The following TNC variants were observed in gnomAD, a reference collection of about 807,000 sequenced individuals.
TNC encodes tenascin C, also known as tenascin.
Under a neutral mutation model 202.4 loss-of-function variants are expected in TNC, and 109 were observed. That is an observed-to-expected ratio of 0.54 (90% CI 0.46 to 0.63). TNC has a LOEUF of 0.63. Ranked by LOEUF, TNC falls within the 30% of genes least tolerant of loss-of-function variation. TNC has a pLI of 0.00. For missense variants in TNC, 2,756 were observed against 2,833.3 expected (o/e 0.97, Z 0.62); for synonymous variants, 1,007 against 1,089.7 (o/e 0.92, Z 1.50).
rs201343256 is a variant in TNC, at chr9:115,028,765, AT to A, written c.6169+594del. Among the ~76,000 whole-genome samples, 36 of 151,940 alleles carry A rather than the reference AT, an allele frequency of 2.4e-4. No individual in the cohort carries two copies. The East Asian group carries it at 6.8e-3, about 29-fold the overall frequency. Reference sequence around the variant, plus strand: ...TCACTTTATCTTATGTAAAGTGCCGATTTACTGAGTGTGAGATGAATACAAA... The same window carrying A: ...TCACTTTATCTTATGTAAAGTGCCGATTACTGAGTGTGAGATGAATACAAA... On this transcript the variant is annotated intron_variant, in intron 25 of 27. Transcript: ENST00000350763.
At position 115,031,822 on chromosome 9, in the gene TNC, T is replaced by A; in HGVS notation, c.5788-137A>T. Reference sequence around the variant, plus strand: ...GGACAAGAATTCATTGAGTACCCACTCTCTACCAGGCTCCATGTGCACTGC... The same window carrying A: ...GGACAAGAATTCATTGAGTACCCACACTCTACCAGGCTCCATGTGCACTGC... On this transcript the variant is annotated intron_variant, in intron 22 of 27. Transcript: ENST00000350763. 3 of 1,056,140 alleles carry A rather than the reference T, an allele frequency of 2.8e-6. No individual in the cohort carries two copies. The South Asian group carries it at 5.0e-5, about 18-fold the overall frequency. The allele number at this position is 1,056,140 out of a possible 1,614,324, so 65.4% of individuals were successfully genotyped here.
intron 1 of TNC, among the ~76,000 whole-genome samples, chr9:115,110,163 A>T (rs1354338289): frequency 1.3e-5 from 2 of 152,210 alleles, no homozygotes; most frequent in East Asian, 3.8e-4. Context: ...TGAATAGGTG[A>T]AAAACATAAA....
At chr9:115,080,998 T>A (rs1366876738) in intron 6 of TNC, among the ~76,000 whole-genome samples, 1 of 152,156 alleles carries the variant, frequency 6.6e-6, no homozygotes, top group Non-Finnish European at 1.5e-5. Context: ...TCCCAAGAAC[T>A]TCTGACATCA....
chr9:115,090,871 A>G lies in TNC; in HGVS notation c.148T>C (p.Phe50Leu). 1 of 1,614,130 alleles carries G rather than the reference A, an allele frequency of 6.2e-7. No homozygotes were observed. Among genetic ancestry groups the G allele is most frequent in the African/African-American group, 1.3e-5 (1 of 75,026 alleles). The change falls in exon 2 of 28, where the codon TTT (phenylalanine) becomes CTT (leucine). Residue 50 changes from phenylalanine to leucine, a missense_variant. By Grantham distance (22) the Phe-to-Leu change is conservative. Around this residue, in one of 2 missense-constraint regions of TNC, gnomAD observed 2,559 missense variants for 2,546.0 expected, o/e 1.01. Coordinates refer to ENST00000350763, the MANE Select transcript of TNC (RefSeq NM_002160.4). ...TLPEENQPVVFNHVYNIKLPV... is the reference protein window; with the variant it reads ...TLPEENQPVVLNHVYNIKLPV... ...AGCTTGATGTTGTAAACGTGGTTAA[A>G]CACCACTGGCTGGTTCTCTTCTGGC...
At chr9:115,029,206 T>C (rs1046279692) in intron 25 of TNC, among the ~76,000 whole-genome samples, 154 bp downstream of exon 25, 1 of 152,168 alleles carries the variant, frequency 6.6e-6, no homozygotes, top group African/African-American at 2.4e-5. Context: ...TAAATGATAG[T>C]CTTTTTCATT....
rs1239259644 is a variant in TNC at position 115,059,730 on chromosome 9, C to A, written c.4306G>T (p.Ala1436Ser). 6.3e-7 allele frequency: 1 copy of A among 1,583,762 alleles called. No individual in the cohort carries two copies. Among genetic ancestry groups the A allele is most frequent in the Non-Finnish European group, 8.6e-7 (1 of 1,163,176 alleles). ...TPVLSAEAST[A>S]KEPEIGNLNV... ...AAGCATTGACAGGGAGAGGAAGTAC[C>A]TGTGGAGGCCTCAGCAGAGAGTACT... is the stretch of plus-strand genomic sequence containing the variant. Residue 1436 changes from alanine (A) to serine (S), a missense_variant and splice_region_variant, in exon 14 of 28, where the codon GCC becomes TCC. By Grantham distance (99) the Ala-to-Ser change is moderately conservative (BLOSUM62 1). This residue lies in a region of TNC where 2,559 missense variants were observed against 2,546.0 expected (regional missense o/e 1.01). Coordinates refer to ENST00000350763, the MANE Select transcript of TNC (RefSeq NM_002160.4).
chr9:115,026,749 T>C, intron 25 of TNC, 54 bp from the exon 26 acceptor site: 1 of 1,590,560 alleles, frequency 6.3e-7, no homozygotes, highest in Non-Finnish European at 8.6e-7. Flanking sequence ...AGGCCCTCAT[T>C]TCTATTTCAC....
intron 1 of TNC, among the ~76,000 whole-genome samples, chr9:115,101,935 A>G (rs1836268616): frequency 6.6e-6 from 1 of 152,210 alleles, no homozygotes; most frequent in African/African-American, 2.4e-5. Flanking sequence ...GGAAGTTGAC[A>G]TCATCATCAT....
chr9:115,030,405 A>T lies in TNC; in HGVS notation c.5921T>A (p.Ile1974Asn), dbSNP rs199535241. Reference sequence around the variant, plus strand: ...CTTGGGGAAGGGGTACAGGAGTCCAACTGTGGAATAAGGAGAAATGGTGAT... The same window carrying T: ...CTTGGGGAAGGGGTACAGGAGTCCATCTGTGGAATAAGGAGAAATGGTGAT... ...SNMIQTIFTT[I>N]GLLYPFPKDC... The change falls in exon 24 of 28, where the codon ATT becomes AAT. Residue 1974 changes from isoleucine (I) to asparagine (N), a missense_variant and splice_region_variant. By Grantham distance (149) the Ile-to-Asn change is moderately radical. Transcript: ENST00000350763. The T allele has an allele frequency of 6.2e-7, 1 of 1,611,712 alleles. No individual in the cohort carries two copies. The highest frequency in any genetic ancestry group is 1.1e-5 in the South Asian group (1 of 90,722).
intron 20 of TNC, among the ~76,000 whole-genome samples, chr9:115,037,455 T>C (rs1304369870): frequency 1.3e-5 from 2 of 152,250 alleles, no homozygotes; most frequent in African/African-American, 2.4e-5. Flanking sequence ...AAGTGTTTAA[T>C]CTGTCAACTG....
At chr9:115,067,254 T>C (rs970012724) in intron 10 of TNC, among the ~76,000 whole-genome samples, 4 of 152,228 alleles carry the variant, frequency 2.6e-5, no homozygotes, top group African/African-American at 9.7e-5. Flanking sequence ...GCAGTCCTGA[T>C]ACAGAAAGAG....
chr9:115,030,483 G>T, intron 23 of TNC, 78 bp from the exon 24 acceptor site: 1 of 1,431,150 alleles, frequency 7.0e-7, no homozygotes, highest in Non-Finnish European at 9.4e-7. Flanking sequence ...TTAACTCTAT[G>T]GACTAGAATG....
chr9:115,102,691 T>C (rs930022629), intron 1 of TNC, among the ~76,000 whole-genome samples: 1 of 152,220 alleles, frequency 6.6e-6, no homozygotes, highest in Non-Finnish European at 1.5e-5. Context: ...AATTAGCTAA[T>C]TCTAGATTGT....
Position 115,087,148 on chromosome 9 carries a change from G to A in TNC, c.583C>T (p.His195Tyr), listed in dbSNP as rs1479933062. ...CSEPECPGNC[H>Y]LRGRCIDGQC... is the part of the protein sequence containing the mutation. The stretch of plus-strand genomic sequence containing the variant: ...CCATCAATGCACCGGCCTCGAAGGT[G>A]ACAGTTGCCTGGACATTCGGGCTCA... Residue 195 changes from histidine (H) to tyrosine (Y), a missense_variant, in exon 3 of 28, where the codon CAC becomes TAC. Physicochemically the swap from His to Tyr is moderately conservative, Grantham distance 83 (BLOSUM62 2). Around this residue, in one of 2 missense-constraint regions of TNC, gnomAD observed 2,559 missense variants for 2,546.0 expected, o/e 1.01. Transcript: ENST00000350763. The A allele has an allele frequency of 4.3e-6, 7 of 1,614,142 alleles. No individual in the cohort carries two copies. The East Asian group carries it at 1.1e-4, about 26-fold the overall frequency.
At chr9:115,047,341 G>A (rs1831281978) in intron 16 of TNC, among the ~76,000 whole-genome samples, 1 of 148,892 alleles carries the variant, frequency 6.7e-6, no homozygotes, top group Admixed American at 6.8e-5. Context: ...GCTACATACT[G>A]TGGACCCAGG....
rs568746699 is a variant in TNC at position 115,114,420 on chromosome 9, G to A, written c.-137+3562C>T. Among the ~76,000 whole-genome samples the A allele has an allele frequency of 4.0e-3, 607 of 152,288 alleles. 2 individuals are homozygous for A. Among genetic ancestry groups the A allele is most frequent in the South Asian group, 0.019 (92 of 4,830 alleles). ...TTAAAACCAGATGTTTGGCTCACCT[G>A]TGTGCCTACTTTTCTGAGATGAAAA... On this transcript the variant is annotated intron_variant, in intron 1 of 27. Transcript: ENST00000350763.
intron 20 of TNC, among the ~76,000 whole-genome samples, chr9:115,036,618 T>C (rs529725753): frequency 6.6e-6 from 1 of 152,266 alleles, no homozygotes; most frequent in Admixed American, 6.5e-5. Context: ...ATGCATGCTC[T>C]CCTCTCTTTG....
intron 4 of TNC, 123 bp downstream of exon 4, chr9:115,084,086 G>T: frequency 9.5e-7 from 1 of 1,051,690 alleles, no homozygotes; most frequent in Non-Finnish European, 1.4e-6. Flanking sequence ...CTTAATTCTA[G>T]GCTCTTATTT....
At chr9:115,071,049 T>A (rs1352593707) in intron 10 of TNC, among the ~76,000 whole-genome samples, 1 of 152,244 alleles carries the variant, frequency 6.6e-6, no homozygotes, top group Non-Finnish European at 1.5e-5. Context: ...CAGAATGTTA[T>A]CTCAGTGTCT....
Sources: gnomAD v4.1 joint callset for allele counts (sites outside exome capture counted in the v4.1 genomes callset) on GRCh38, gnomAD v4.1.1 for gene constraint, gnomAD v4.1.1 regional missense constraint, MANE v1.5 for transcripts, NCBI Gene and HGNC (gene_info 2026-07-23, HGNC 2026-07-21) for gene names.